Variants in CTPS2 observed in about 807,000 individuals in gnomAD.
CTPS2 encodes CTP synthase 2, also known as CTP synthase II.
A neutral mutation model predicts 46.8 loss-of-function variants in CTPS2; 19 were observed. That is an observed-to-expected ratio of 0.41 (90% CI 0.28 to 0.60). The LOEUF (loss-of-function observed/expected upper bound fraction) is 0.60. Ranked by LOEUF, CTPS2 falls within the 20% of genes least tolerant of loss-of-function variation. The pLI is 0.35. For missense variants in CTPS2, 286 were observed against 447.6 expected, an observed-to-expected ratio of 0.64 and a Z score of 3.26; for synonymous variants, 151 against 165.2, an observed-to-expected ratio of 0.91 and a Z score of 0.66.
chrX:16,645,470 A>G (rs943585953), intron 13 of CTPS2, among the ~76,000 whole-genome samples: 4 of 110,879 alleles, frequency 3.6e-5, no homozygotes, highest in African/African-American at 1.3e-4. Flanking sequence ...GGCCGAGTAC[A>G]CACTATGCCC....
chrX:16,656,412 C>CT (rs764147514), intron 13 of CTPS2, among the ~76,000 whole-genome samples: 1,398 of 100,342 alleles, frequency 0.014, 23 homozygotes, highest in African/African-American at 0.043. Context: ...TTCCACTTTC[C>CT]TTTTTTTTTT....
intron 17 of CTPS2, among the ~76,000 whole-genome samples, chrX:16,593,963 C>T (rs753636203): frequency 5.7e-4 from 63 of 111,184 alleles, no homozygotes; most frequent in Non-Finnish European, 1.1e-3. Flanking sequence ...ACTCCTTCCT[C>T]GTTCTATGCA....
Position 16,623,792 on chromosome X carries a change from C to CTT in CTPS2, c.1394-3462_1394-3461dup, listed in dbSNP as rs60328217. Among the ~76,000 whole-genome samples the CTT allele has an allele frequency of 6.8e-3, 147 of 21,694 alleles. 15 individuals are homozygous for CTT. Among genetic ancestry groups the CTT allele is most frequent in the Middle Eastern group, 0.038 (1 of 26 alleles). The allele number at this position is 21,694 out of a possible 115,157, so 18.8% of individuals were successfully genotyped here. On this transcript the variant is annotated intron_variant, in intron 14 of 18. Transcript: ENST00000359276. Reference sequence around the variant, plus strand: ...ATACCCAGCAGTCATCCCCTCAATTCTTTTTTTTTTTTTTTTTTTTTTTTT... The same window carrying CTT: ...ATACCCAGCAGTCATCCCCTCAATTCTTTTTTTTTTTTTTTTTTTTTTTTTTT...
chrX:16,704,297 C>A (rs1924823055), intron 1 of CTPS2, among the ~76,000 whole-genome samples: 1 of 110,946 alleles, frequency 9.0e-6, no homozygotes, highest in Admixed American at 9.7e-5. Flanking sequence ...GGAAAATATA[C>A]AACAATCTCT....
chrX:16,593,608 T>A (rs749456756), intron 17 of CTPS2, among the ~76,000 whole-genome samples: 3 of 104,047 alleles, frequency 2.9e-5, no homozygotes, highest in Non-Finnish European at 5.8e-5. Flanking sequence ...CAAATCTGCA[T>A]AGGCAAAAAG....
Position 16,617,262 on chromosome X carries a change from TTAAG to T in CTPS2, c.1450-20_1450-17del. The stretch of plus-strand genomic sequence containing the variant: ...TAGGGTTTACCTGCAAAACAAGAAA[TTAAG>T]TGTTTATGGGCCACAGTGCAATACC... On this transcript the variant is annotated splice_polypyrimidine_tract_variant and intron_variant, in intron 15 of 18. Coordinates refer to ENST00000359276, the MANE Select transcript of CTPS2 (RefSeq NM_175859.3). 8.6e-7 allele frequency: 1 copy of T among 1,160,072 alleles called. No individual in the cohort carries two copies. Among genetic ancestry groups the T allele is most frequent in the Non-Finnish European group, 1.2e-6 (1 of 852,244 alleles).
At chrX:16,610,984 A>G (rs940399162) in intron 16 of CTPS2, among the ~76,000 whole-genome samples, 1 of 112,080 alleles carries the variant, frequency 8.9e-6, no homozygotes, top group African/African-American at 3.2e-5. Flanking sequence ...GGAGCTAAAC[A>G]TTGGGTACTT....
At chrX:16,683,009 G>A in intron 9 of CTPS2, 85 bp downstream of exon 9, 7 of 1,060,122 alleles carry the variant, frequency 6.6e-6, no homozygotes, top group Non-Finnish European at 9.1e-6. Context: ...TGATCTCAGG[G>A]ACCCTTTAAC....
rs766002159 is a variant in CTPS2, at chrX:16,648,120, C to A, written c.1297-8877G>T. On this transcript the variant is annotated intron_variant, in intron 13 of 18. Coordinates refer to ENST00000359276, the MANE Select transcript of CTPS2 (RefSeq NM_175859.3). Reference sequence around the variant, plus strand: ...GGCTTCAAAAAAATAAACAAAAAAACCAGATGCAAAACATAATAAACACCC... The same window carrying A: ...GGCTTCAAAAAAATAAACAAAAAAAACAGATGCAAAACATAATAAACACCC... Among the ~76,000 whole-genome samples the A allele has an allele frequency of 1.1e-4, 12 of 111,322 alleles. No homozygotes were observed. In the South Asian group the frequency reaches 1.5e-3, roughly 14 times the overall value.
chrX:16,661,993 CAT>C (rs5901592), intron 13 of CTPS2, among the ~76,000 whole-genome samples: 5,488 of 84,412 alleles, frequency 0.065, 399 homozygotes, highest in African/African-American at 0.21. Context: ...ATTGTTCATT[CAT>C]ATATATATAT....
intron 10 of CTPS2, among the ~76,000 whole-genome samples, chrX:16,672,881 C>CTTT (rs1185799196): frequency 0.019 from 1,343 of 69,501 alleles, 113 homozygotes; most frequent in African/African-American, 0.075. Context: ...TGAGGCTACT[C>CTTT]TTTTTTTTTT....
rs755197680 is a variant in CTPS2, at chrX:16,667,738, C to T, written c.1190-14G>A. The stretch of plus-strand genomic sequence containing the variant: ...CAAGACAAACTCCTATTTTAAAAAG[C>T]ACATATGCAAAGCAAATGAACTCAC... On this transcript the variant is annotated splice_polypyrimidine_tract_variant and intron_variant, in intron 11 of 18. Transcript: ENST00000359276. The T allele has an allele frequency of 2.7e-5, 32 of 1,196,643 alleles. No homozygotes were observed. In the Admixed American group the frequency reaches 6.6e-4, roughly 25 times the overall value.
At chrX:16,678,605 G>A (rs1407147570) in intron 9 of CTPS2, among the ~76,000 whole-genome samples, 155 bp from the exon 10 acceptor site, 5 of 111,768 alleles carry the variant, frequency 4.5e-5, no homozygotes, top group Non-Finnish European at 9.4e-5. Context: ...TCTGTTTTGC[G>A]GCTCTTATAA....
chrX:16,648,067 C>T (rs1932412837), intron 13 of CTPS2, among the ~76,000 whole-genome samples: 1 of 111,673 alleles, frequency 9.0e-6, no homozygotes, highest in African/African-American at 3.3e-5. Context: ...CACGCCACTG[C>T]ACTCCAACCT....
intron 13 of CTPS2, among the ~76,000 whole-genome samples, chrX:16,660,577 T>C (rs1014323950): frequency 9.1e-6 from 1 of 110,475 alleles, no homozygotes; most frequent in African/African-American, 3.3e-5. Flanking sequence ...AATTTTTTTG[T>C]TTTTAGTAGA....
intron 14 of CTPS2, among the ~76,000 whole-genome samples, chrX:16,627,338 G>A: frequency 8.9e-6 from 1 of 112,409 alleles, no homozygotes; most frequent in Admixed American, 9.5e-5. Context: ...TGCCCAGGGT[G>A]CAGATATTTG....
At chrX:16,620,738 C>T (rs1325889515) in intron 14 of CTPS2, among the ~76,000 whole-genome samples, 1 of 112,111 alleles carries the variant, frequency 8.9e-6, no homozygotes, top group Non-Finnish European at 1.9e-5. Flanking sequence ...AAGAGACTTG[C>T]CCAAAGCCCT....
chrX:16,703,931 C>CTT lies in CTPS2; in HGVS notation c.-39-992_-39-991dup, dbSNP rs59145743. Among the ~76,000 whole-genome samples, 742 of 92,571 alleles carry CTT rather than the reference C, an allele frequency of 8.0e-3. 12 individuals carry two copies. The highest frequency in any genetic ancestry group is 0.028 in the African/African-American group (712 of 25,646). 80.4% of individuals were successfully genotyped at this position (92,571 alleles called of 115,157 possible). A position where few individuals can be genotyped will look rare whatever the true frequency, so the allele number is the denominator to read the frequency against. On this transcript the variant is annotated intron_variant, in intron 1 of 18. Coordinates refer to ENST00000359276, the MANE Select transcript of CTPS2 (RefSeq NM_175859.3). ...TGTACAAACTGTACCTGGGCAAGTT[C>CTT]TTTTTTTTTTTTTTTTCTTTTTTTT... is the stretch of plus-strand genomic sequence containing the variant.
At chrX:16,653,783 C>T (rs951303408) in intron 13 of CTPS2, among the ~76,000 whole-genome samples, 6 of 112,160 alleles carry the variant, frequency 5.3e-5, no homozygotes, top group Non-Finnish European at 1.1e-4. Context: ...AAAAACTGGG[C>T]GGTGGTTAGT....
Sources: allele counts gnomAD v4.1 joint callset (sites outside exome capture counted in the v4.1 genomes callset), GRCh38; gene constraint gnomAD v4.1.1; transcripts MANE v1.5; gene names NCBI Gene and HGNC (gene_info 2026-07-23, HGNC 2026-07-21).